Variants in TENM2 observed in about 807,000 individuals in gnomAD.
The protein encoded by TENM2 is teneurin-2.
TENM2 carries 52 observed loss-of-function variants against 245.2 expected under a neutral mutation model. The observed-to-expected ratio is 0.21, with a 90% CI of 0.17 to 0.27. The LOEUF (loss-of-function observed/expected upper bound fraction) is 0.27, where lower values mean the gene tolerates loss of function less well. Ranked by LOEUF, TENM2 falls within the 10% of genes least tolerant of loss-of-function variation. The pLI is 1.00. For synonymous variants in TENM2, 1,363 were observed against 1,438.9 expected (o/e 0.95, Z 1.19); for missense variants, 3,046 against 3,666.8 (o/e 0.83, Z 4.37).
Position 167,495,832 on chromosome 5 carries a change from A to ACT in TENM2, c.502+120362_502+120363dup, listed in dbSNP as rs1441711041. ...AATAAAGGTTTAAATGTTTTAAATT[A>ACT]CTCTAACATTATATAGTCAGTATAA... On this transcript the variant is annotated intron_variant, in intron 2 of 28. Coordinates refer to ENST00000518659, the Ensembl canonical transcript of TENM2. Among the ~76,000 whole-genome samples, 8 of 152,230 alleles carry ACT rather than the reference A, an allele frequency of 5.3e-5. No individual in the cohort carries two copies. In the East Asian group the frequency reaches 1.5e-3, roughly 29 times the overall value.
Position 167,735,785 on chromosome 5 carries a change from G to A in TENM2, c.503-140201G>A, listed in dbSNP as rs144521063. 1.9e-3 allele frequency among the ~76,000 whole-genome samples: 292 copies of A among 152,156 alleles called. 1 individual carries two copies. The highest frequency in any genetic ancestry group is 6.5e-3 in the African/African-American group (270 of 41,498). ...CATACCACTGCACTCCAGCCTGGGC[G>A]ATAGAGTGAGACCCTGTCTCACAAA... On this transcript the variant is annotated intron_variant, in intron 2 of 28. Coordinates refer to ENST00000518659, the Ensembl canonical transcript of TENM2.
At chr5:167,567,995 C>T (rs1004258251) in intron 2 of TENM2, among the ~76,000 whole-genome samples, 1 of 149,762 alleles carries the variant, frequency 6.7e-6, no homozygotes, top group Non-Finnish European at 1.5e-5. Context: ...AAAAATACTT[C>T]GCTCATGTAA....
At chr5:167,974,726 C>G (rs1305745538) in intron 4 of TENM2, among the ~76,000 whole-genome samples, 2 of 152,210 alleles carry the variant, frequency 1.3e-5, no homozygotes, top group African/African-American at 4.8e-5. Flanking sequence ...CAACCAGGCT[C>G]TGACCCCACC....
In TENM2 at chr5:168,126,685, C is replaced by T. The variant is rs896265650; in HGVS notation, c.2210-69C>T. 1.6e-5 allele frequency: 22 copies of T among 1,336,088 alleles called. No homozygotes were observed. In the South Asian group the frequency reaches 2.5e-4, roughly 15 times the overall value. 82.8% of individuals were successfully genotyped at this position (1,336,088 alleles called of 1,614,324 possible). ...CTGCTCCAGGGGTCTGGGCCATGTG[C>T]GTGGTCTGGACTCCATGGAAGGTTT... On this transcript the variant is annotated intron_variant, in intron 11 of 28. Coordinates refer to ENST00000518659, the Ensembl canonical transcript of TENM2.
chr5:167,543,581 C>G (rs189578301), intron 2 of TENM2, among the ~76,000 whole-genome samples: 1 of 152,114 alleles, frequency 6.6e-6, no homozygotes, highest in East Asian at 1.9e-4. Context: ...CTATTTTATC[C>G]GTTTTATAGA....
At chr5:167,978,598 A>G (rs750759820) in intron 4 of TENM2, among the ~76,000 whole-genome samples, 6 of 151,896 alleles carry the variant, frequency 4.0e-5, no homozygotes, top group Non-Finnish European at 8.8e-5. Context: ...AAACCAAATT[A>G]GTGGTTGCCA....
At chr5:167,337,605 T>C (rs1315757001) in intron 1 of TENM2, among the ~76,000 whole-genome samples, 1 of 152,132 alleles carries the variant, frequency 6.6e-6, no homozygotes, top group Non-Finnish European at 1.5e-5. Flanking sequence ...GAATTGACAG[T>C]TGAGTTGGGT....
At chr5:167,818,728 A>G (rs1767263364) in intron 2 of TENM2, among the ~76,000 whole-genome samples, 1 of 152,184 alleles carries the variant, frequency 6.6e-6, no homozygotes, top group African/African-American at 2.4e-5. Flanking sequence ...GGAAAAAGAT[A>G]TAATTTTCTT....
chr5:167,905,630 G>C (rs1776033405), intron 3 of TENM2, among the ~76,000 whole-genome samples: 1 of 152,176 alleles, frequency 6.6e-6, no homozygotes, highest in South Asian at 2.1e-4. Flanking sequence ...AAACGAGGGA[G>C]TCTTTACAAA....
the TENM2 span, among the ~76,000 whole-genome samples, chr5:167,022,238 G>A: frequency 2.6e-5 from 4 of 152,170 alleles, no homozygotes; most frequent in Admixed American, 1.3e-4. Flanking sequence ...GTCTAATATG[G>A]TGGTTCAAAT....
chr5:167,742,414 T>C (rs1761243497), intron 2 of TENM2, among the ~76,000 whole-genome samples: 1 of 151,462 alleles, frequency 6.6e-6, no homozygotes, highest in Non-Finnish European at 1.5e-5. Flanking sequence ...GTCAGAAAAC[T>C]AATTCTAAAA....
chr5:167,600,383 A>T (rs934367812), intron 2 of TENM2, among the ~76,000 whole-genome samples: 1 of 152,164 alleles, frequency 6.6e-6, no homozygotes, highest in Non-Finnish European at 1.5e-5. Context: ...TATATAAAAA[A>T]TAATGTTTTT....
chr5:167,494,985 C>G (rs900265443), intron 2 of TENM2, among the ~76,000 whole-genome samples: 1 of 151,976 alleles, frequency 6.6e-6, no homozygotes, highest in African/African-American at 2.4e-5. Flanking sequence ...TTCACAAAGG[C>G]AAATGAATGT....
the TENM2 span, among the ~76,000 whole-genome samples, chr5:167,138,649 T>C: frequency 1.3e-5 from 2 of 152,064 alleles, no homozygotes; most frequent in East Asian, 1.9e-4. Flanking sequence ...TGAGACGGAG[T>C]TTTGCTCTTG....
At chr5:167,849,510 C>T (rs1168983113) in intron 2 of TENM2, among the ~76,000 whole-genome samples, 1 of 152,098 alleles carries the variant, frequency 6.6e-6, no homozygotes, top group African/African-American at 2.4e-5. Context: ...CAGTGGACAC[C>T]AGCTGGGTGT....
intron 2 of TENM2, among the ~76,000 whole-genome samples, chr5:167,830,022 T>C (rs941455624): frequency 1.2e-4 from 18 of 152,210 alleles, no homozygotes; most frequent in African/African-American, 4.3e-4. Flanking sequence ...CTCCTACATA[T>C]TGGGGGACTG....
intron 25 of TENM2, among the ~76,000 whole-genome samples, chr5:168,230,607 T>C (rs1764782732): frequency 6.6e-6 from 1 of 152,104 alleles, no homozygotes; most frequent in African/African-American, 2.4e-5. Context: ...TGTCTCACCA[T>C]TGGCAAGATG....
chr5:167,659,144 G>T (rs1022594977), intron 2 of TENM2, among the ~76,000 whole-genome samples: 5 of 152,170 alleles, frequency 3.3e-5, no homozygotes, highest in African/African-American at 1.2e-4. Flanking sequence ...GCCTGTTATG[G>T]TTTATAGATT....
intron 1 of TENM2, among the ~76,000 whole-genome samples, chr5:167,345,291 G>A (rs1581794850): frequency 6.6e-6 from 1 of 152,146 alleles, no homozygotes. Flanking sequence ...CTCTCCATTC[G>A]GCTTTAGTGG....
Sources: allele counts gnomAD v4.1 joint callset (sites outside exome capture counted in the v4.1 genomes callset), GRCh38; gene constraint gnomAD v4.1.1; transcripts MANE v1.5; gene names NCBI Gene and HGNC (gene_info 2026-07-23, HGNC 2026-07-21).